SMAP1: variants seen among roughly 807,000 people sequenced by gnomAD.
SMAP1 encodes small ArfGAP 1.
SMAP1 carries 24 observed loss-of-function variants against 58.5 expected under a neutral mutation model. The observed-to-expected ratio is 0.41, with a 90% CI of 0.30 to 0.58. The LOEUF (loss-of-function observed/expected upper bound fraction) is 0.58, where lower values mean the gene tolerates loss of function less well. Among genes scored for constraint, SMAP1 ranks in the 20% least tolerant of loss-of-function variants. The pLI is 0.29. For missense variants in SMAP1, 563 were observed against 566.3 expected (o/e 0.99, Z 0.06); for synonymous variants, 216 against 196.6 (o/e 1.10, Z -0.82).
chr6:70,785,637 A>T (rs1562159366), intron 4 of SMAP1, among the ~76,000 whole-genome samples: 1 of 152,234 alleles, frequency 6.6e-6, no homozygotes, highest in African/African-American at 2.4e-5. Flanking sequence ...CCGATCCCAC[A>T]GAAATACAAA....
intron 4 of SMAP1, among the ~76,000 whole-genome samples, chr6:70,775,317 A>T (rs1400660547): frequency 6.6e-6 from 1 of 152,146 alleles, no homozygotes; most frequent in Admixed American, 6.5e-5. Context: ...AATTTTAAAA[A>T]TTATATTTGT....
At chr6:70,714,130 A>G (rs977186830) in intron 1 of SMAP1, among the ~76,000 whole-genome samples, 5 of 152,016 alleles carry the variant, frequency 3.3e-5, no homozygotes, top group African/African-American at 1.2e-4. Flanking sequence ...CCTTGAATCT[A>G]AAGTTAGTTT....
chr6:70,680,316 T>A (rs1361813035), intron 1 of SMAP1, among the ~76,000 whole-genome samples: 2 of 152,228 alleles, frequency 1.3e-5, no homozygotes, highest in African/African-American at 4.8e-5. Flanking sequence ...TTATATTCCA[T>A]AAAGTTAAAA....
At position 70,776,738 on chromosome 6, in the gene SMAP1, T is replaced by C. The variant is rs547628069; in HGVS notation, c.414+3313T>C. 2.6e-5 allele frequency among the ~76,000 whole-genome samples: 4 copies of C among 152,332 alleles called. No homozygotes were observed. In the East Asian group the frequency reaches 7.7e-4, roughly 29 times the overall value. On this transcript the variant is annotated intron_variant, in intron 4 of 10. Transcript: ENST00000370455. ...GCTCACACAGAAGAATGAGAACACGTGGCATTTATCCTTCTGTGCCTGACT... is the reference window on the plus strand; with the variant it reads ...GCTCACACAGAAGAATGAGAACACGCGGCATTTATCCTTCTGTGCCTGACT...
chr6:70,770,257 G>A (rs1767216254), intron 3 of SMAP1, among the ~76,000 whole-genome samples: 1 of 151,740 alleles, frequency 6.6e-6, no homozygotes, highest in Non-Finnish European at 1.5e-5. Context: ...GAGTATCTTT[G>A]TGGCATTCTC....
intron 3 of SMAP1, among the ~76,000 whole-genome samples, chr6:70,757,252 AAAAC>A (rs1254925042): frequency 1.1e-4 from 16 of 149,284 alleles, no homozygotes; most frequent in Non-Finnish European, 2.2e-4. Context: ...AAACCTGAGA[AAAAC>A]AAGCAATGGG....
chr6:70,717,657 GAGGA>G (rs1436648607), intron 1 of SMAP1, among the ~76,000 whole-genome samples: 1 of 152,334 alleles, frequency 6.6e-6, no homozygotes, highest in African/African-American at 2.4e-5. Flanking sequence ...ACTTCTGTGG[GAGGA>G]AGTAAAGCTA....
intron 1 of SMAP1, among the ~76,000 whole-genome samples, chr6:70,719,113 G>A (rs560498635): frequency 6.6e-6 from 1 of 152,238 alleles, no homozygotes; most frequent in Non-Finnish European, 1.5e-5. Context: ...GGTGAAATTA[G>A]CAAGGAAAAG....
intron 1 of SMAP1, among the ~76,000 whole-genome samples, chr6:70,717,983 CAG>C (rs1463381670): frequency 6.6e-5 from 10 of 152,108 alleles, no homozygotes; most frequent in African/African-American, 2.4e-4. Context: ...CCGGTTTTCA[CAG>C]AGCAGATTGT....
intron 3 of SMAP1, among the ~76,000 whole-genome samples, chr6:70,759,541 GAT>G (rs576745183): frequency 5.1e-4 from 77 of 152,122 alleles, no homozygotes; most frequent in African/African-American, 1.6e-3. Flanking sequence ...TATCATGAAG[GAT>G]ATTGAGGGCA....
intron 1 of SMAP1, among the ~76,000 whole-genome samples, chr6:70,692,815 G>A (rs944825653): frequency 7.2e-5 from 11 of 152,014 alleles, no homozygotes; most frequent in Admixed American, 1.3e-4. Flanking sequence ...ATGGAGTCTC[G>A]CTCTGTTGCC....
At chr6:70,823,474 T>C (rs1769981900) in intron 6 of SMAP1, among the ~76,000 whole-genome samples, 1 of 152,134 alleles carries the variant, frequency 6.6e-6, no homozygotes, top group South Asian at 2.1e-4. Context: ...TAAAATAGTT[T>C]CTCTTCAGGG....
chr6:70,722,956 C>T (rs568609563), intron 1 of SMAP1, among the ~76,000 whole-genome samples: 1 of 152,288 alleles, frequency 6.6e-6, no homozygotes, highest in East Asian at 1.9e-4. Context: ...CAGTTTATGG[C>T]CAGATTTGGG....
At chr6:70,770,877 G>A (rs893251624) in intron 3 of SMAP1, among the ~76,000 whole-genome samples, 106 of 152,232 alleles carry the variant, frequency 7.0e-4, no homozygotes, top group Admixed American at 1.8e-3. Context: ...CATCTTTGTG[G>A]TTTTATCTAC....
chr6:70,712,790 T>G (rs1322606247), intron 1 of SMAP1, among the ~76,000 whole-genome samples: 1 of 147,788 alleles, frequency 6.8e-6, no homozygotes, highest in Non-Finnish European at 1.5e-5. Flanking sequence ...TTTTCTTTTT[T>G]TCTTTTCTTT....
At chr6:70,706,881 C>T (rs1437517382) in intron 1 of SMAP1, among the ~76,000 whole-genome samples, 2 of 152,068 alleles carry the variant, frequency 1.3e-5, no homozygotes, top group South Asian at 4.1e-4. Context: ...TAATGTATAG[C>T]CCCAGGATAT....
intron 3 of SMAP1, among the ~76,000 whole-genome samples, chr6:70,771,297 G>GT (rs1052600353): frequency 5.2e-4 from 79 of 152,348 alleles, no homozygotes; most frequent in African/African-American, 1.9e-3. Flanking sequence ...AGACAGGGAT[G>GT]TTTAAGTCTG....
chr6:70,830,677 G>T (rs530959103), intron 6 of SMAP1, among the ~76,000 whole-genome samples: 38 of 152,254 alleles, frequency 2.5e-4, no homozygotes, highest in African/African-American at 8.9e-4. Flanking sequence ...TGTTCTTGAA[G>T]ACTTTTCCAT....
intron 6 of SMAP1, among the ~76,000 whole-genome samples, chr6:70,815,287 A>AAT: frequency 6.6e-6 from 1 of 152,174 alleles, no homozygotes; most frequent in East Asian, 1.9e-4. Flanking sequence ...ATTTATTTGA[A>AAT]TGTAGTTGTA....
Sources: gnomAD v4.1 joint callset for allele counts (sites outside exome capture counted in the v4.1 genomes callset) on GRCh38, gnomAD v4.1.1 for gene constraint, MANE v1.5 for transcripts, NCBI Gene and HGNC (gene_info 2026-07-23, HGNC 2026-07-21) for gene names.